Variants in ZNF516 observed in about 807,000 individuals in gnomAD.
ZNF516 encodes the protein zinc finger protein 516.
A neutral mutation model predicts 79.7 loss-of-function variants in ZNF516; 19 were observed. The ratio of observed to expected loss-of-function variants is 0.24; its 90% CI spans 0.17 to 0.35. The LOEUF is 0.35. ZNF516 is among the 10% of genes least tolerant of loss of function. ZNF516 has a pLI of 1.00. For missense variants in ZNF516, 1,678 were observed against 1,679.5 expected (o/e 1.00, Z 0.02); for synonymous variants, 877 against 739.5 (o/e 1.19, Z -3.02).
In ZNF516 at chr18:76,371,537, G is replaced by T; in HGVS notation, c.3294C>A (p.Phe1098Leu). 1.9e-6 allele frequency: 3 copies of T among 1,610,942 alleles called. No individual in the cohort carries two copies. The highest frequency in any genetic ancestry group is 2.5e-6 in the Non-Finnish European group (3 of 1,179,784). The stretch of plus-strand genomic sequence containing the variant: ...AGCTCTTTCCGCACTCGATGCAGAC[G>T]AACTCTCCTGGCCGGGCCTGCGTCC... ...TLRTQARPGEFVCIECGKSFH... is the reference protein window; with the variant it reads ...TLRTQARPGELVCIECGKSFH... The change falls in exon 5 of 7, where the codon TTC (phenylalanine) becomes TTA (leucine). Residue 1098 changes from phenylalanine to leucine, a missense_variant. Phe to Leu is a conservative substitution (Grantham distance 22). Around this residue, in one of 5 missense-constraint regions of ZNF516, gnomAD observed 1,294 missense variants for 1,248.3 expected, o/e 1.04. Transcript: ENST00000443185.
chr18:76,428,938 G>A (rs1599074005), intron 3 of ZNF516, among the ~76,000 whole-genome samples: 2 of 152,322 alleles, frequency 1.3e-5, no homozygotes, highest in African/African-American at 4.8e-5. Flanking sequence ...AGCTCCTCCT[G>A]CCATAGCTAG....
Position 76,442,646 on chromosome 18 carries a change from C to A in ZNF516, c.409G>T (p.Ala137Ser). 1 of 1,587,908 alleles carries A rather than the reference C, an allele frequency of 6.3e-7. No homozygotes were observed. Among genetic ancestry groups the A allele is most frequent in the South Asian group, 1.1e-5 (1 of 89,550 alleles). The change falls in exon 3 of 7, where the codon GCC becomes TCC. Residue 137 changes from alanine (A) to serine (S), a missense_variant. By Grantham distance (99) the Ala-to-Ser change is moderately conservative. This residue lies in a region of ZNF516 where 279 missense variants were observed against 254.1 expected (regional missense o/e 1.10). Transcript: ENST00000443185. The part of the protein sequence containing the change: ...LLNGASQADG[A>S]RVLNGASQAD... ...TGCGAGGCCCCGTTCAGGACCCTGGCGCCGTCGGCCTGCGAGGCCCCGTTC... is the reference window on the plus strand; with the variant it reads ...TGCGAGGCCCCGTTCAGGACCCTGGAGCCGTCGGCCTGCGAGGCCCCGTTC...
chr18:76,414,608 C>G (rs532483950), intron 3 of ZNF516, among the ~76,000 whole-genome samples: 1 of 152,238 alleles, frequency 6.6e-6, no homozygotes, highest in Non-Finnish European at 1.5e-5. Flanking sequence ...CTTTCTTCAC[C>G]CGAAGAAGGT....
At position 76,451,679 on chromosome 18, in the gene ZNF516, A is replaced by T. The variant is rs1190205423; in HGVS notation, c.-157-8468T>A. ...GGGTGCAAGGCCCAGTTGGTGTTTG[A>T]GTATACTGTGTGTGTTTGTTCTCCG... is the stretch of plus-strand genomic sequence containing the variant. On this transcript the variant is annotated intron_variant, in intron 2 of 6. Transcript: ENST00000443185. The surrounding 1 kb of genome is among the most constrained non-coding windows in gnomAD (Gnocchi z 6.0). 6.6e-6 allele frequency among the ~76,000 whole-genome samples: 1 copy of T among 152,178 alleles called. No homozygotes were observed. The highest frequency in any genetic ancestry group is 2.4e-5 in the African/African-American group (1 of 41,450).
At chr18:76,483,016 A>T (rs1227849246) in intron 1 of ZNF516, among the ~76,000 whole-genome samples, 1 of 152,326 alleles carries the variant, frequency 6.6e-6, no homozygotes, top group African/African-American at 2.4e-5. Context: ...AAAAGAAAAA[A>T]AATTCTGAAT....
Position 76,359,091 on chromosome 18 carries a change from G to C in ZNF516, c.*3407C>G, listed in dbSNP as rs2074495472. ...TCACACCCTCAGCGACCTGTGCACAGTGGCCGGATCAGGGGTGGGGGCCTG... is the reference window on the plus strand; with the variant it reads ...TCACACCCTCAGCGACCTGTGCACACTGGCCGGATCAGGGGTGGGGGCCTG... On this transcript the variant is annotated 3_prime_UTR_variant, in exon 7 of 7. Coordinates refer to ENST00000443185, the MANE Select transcript of ZNF516 (RefSeq NM_014643.4). 1 of 152,246 alleles carries C rather than the reference G, an allele frequency of 6.6e-6. No homozygotes were observed. The highest frequency in any genetic ancestry group is 6.5e-5 in the Admixed American group (1 of 15,286). 9.4% of individuals were successfully genotyped at this position (152,246 alleles called of 1,614,324 possible).
Position 76,480,524 on chromosome 18 carries a change from C to CATATATAT in ZNF516, c.-272+14619_-272+14620insATATATAT, listed in dbSNP as rs1555720224. 3.1e-3 allele frequency among the ~76,000 whole-genome samples: 359 copies of CATATATAT among 116,458 alleles called. 2 individuals carry two copies. Among genetic ancestry groups the CATATATAT allele is most frequent in the African/African-American group, 4.4e-3 (126 of 28,550 alleles). 76.4% of individuals were successfully genotyped at this position (116,458 alleles called of 152,430 possible). A position where few individuals can be genotyped will look rare whatever the true frequency, so the allele number is the denominator to read the frequency against. On this transcript the variant is annotated intron_variant, in intron 1 of 6. Transcript: ENST00000443185. The stretch of plus-strand genomic sequence containing the variant: ...ACACACACACACACACACACACACA[C>CATATATAT]ATATATTTTTTTTTTTGAGACGGAG...
Position 76,380,313 on chromosome 18 carries a change from G to A in ZNF516, c.1811-10C>T, listed in dbSNP as rs367720172. 2.5e-6 allele frequency: 4 copies of A among 1,608,498 alleles called. No homozygotes were observed. The highest frequency in any genetic ancestry group is 3.3e-5 in the Admixed American group (2 of 59,852). ...CGGCGCGGCTGTCCCCCTAGAGGAG[G>A]CAAAATATGAAACGGGAAGTTACCA... On this transcript the variant is annotated splice_polypyrimidine_tract_variant and intron_variant, in intron 3 of 6. Coordinates refer to ENST00000443185, the MANE Select transcript of ZNF516 (RefSeq NM_014643.4).
intron 3 of ZNF516, among the ~76,000 whole-genome samples, chr18:76,385,114 C>A (rs144720830): frequency 1.3e-5 from 2 of 152,254 alleles, no homozygotes; most frequent in African/African-American, 4.8e-5. Flanking sequence ...CCCAACCCCA[C>A]GAGTGTGCAC....
intron 3 of ZNF516, among the ~76,000 whole-genome samples, chr18:76,434,918 T>A (rs896641790): frequency 1.3e-5 from 2 of 152,238 alleles, no homozygotes; most frequent in African/African-American, 4.8e-5. Flanking sequence ...CACTGTGACT[T>A]GGTGACTAAA....
At chr18:76,384,264 C>A (rs1243560144) in intron 3 of ZNF516, among the ~76,000 whole-genome samples, 2 of 150,126 alleles carry the variant, frequency 1.3e-5, no homozygotes, top group African/African-American at 4.9e-5. Flanking sequence ...GCCCCCTCCA[C>A]GGCCCCCACG....
At chr18:76,466,130 G>A (rs1334358022) in intron 1 of ZNF516, among the ~76,000 whole-genome samples, 1 of 152,140 alleles carries the variant, frequency 6.6e-6, no homozygotes, top group Non-Finnish European at 1.5e-5. Flanking sequence ...AAGCCATACT[G>A]GAAACCATCA....
chr18:76,447,012 A>G (rs1912091700), intron 2 of ZNF516, among the ~76,000 whole-genome samples: 1 of 152,240 alleles, frequency 6.6e-6, no homozygotes, highest in African/African-American at 2.4e-5. Context: ...TGATGTCCAC[A>G]GTTGACTAGC....
chr18:76,398,608 GAAGGAATGGGGGCCTTTCT>G (rs571961629), intron 3 of ZNF516, among the ~76,000 whole-genome samples: 3,104 of 152,188 alleles, frequency 0.02, 46 homozygotes, highest in Middle Eastern at 0.044. Context: ...CACTAGTTAT[GAAGGAATGGGGGCCTTTCT>G]GAAGGAATGG....
At position 76,378,901 on chromosome 18, in the gene ZNF516, G is replaced by A; in HGVS notation, c.3213C>T (p.Thr1071=). The change falls in exon 4 of 7, where the codon ACC becomes ACT. Residue 1071 remains threonine (T), a synonymous_variant. Transcript: ENST00000443185. ...CGCTGACACCCCATCCCTGGTAGAGGGTCGCAAAGTCCTTTGGAATGTACG... is the reference window on the plus strand; with the variant it reads ...CGCTGACACCCCATCCCTGGTAGAGAGTCGCAAAGTCCTTTGGAATGTACG... The part of the protein sequence containing the change: ...FKTYIPKDFA[T]LYQGWGVSGP... 6.2e-7 allele frequency: 1 copy of A among 1,613,742 alleles called. No homozygotes were observed. Among genetic ancestry groups the A allele is most frequent in the Non-Finnish European group, 8.5e-7 (1 of 1,179,770 alleles).
In ZNF516 at chr18:76,357,796, CAAT is replaced by C. The variant is rs1344676870; in HGVS notation, c.*4699_*4701del. On this transcript the variant is annotated 3_prime_UTR_variant, in exon 7 of 7. Coordinates refer to ENST00000443185, the MANE Select transcript of ZNF516 (RefSeq NM_014643.4). ...CCCTTGTGTCCCCACATTTTTGACA[CAAT>C]AATTTCCTCCAGGTGTGGCTGAGTC... Among the ~76,000 whole-genome samples the C allele has an allele frequency of 8.5e-5, 13 of 152,294 alleles. No individual in the cohort carries two copies. Among genetic ancestry groups the C allele is most frequent in the African/African-American group, 3.1e-4 (13 of 41,562 alleles).
chr18:76,414,393 A>C (rs1229852222), intron 3 of ZNF516, among the ~76,000 whole-genome samples: 1 of 152,216 alleles, frequency 6.6e-6, no homozygotes, highest in Non-Finnish European at 1.5e-5. Context: ...CATCCCTAAA[A>C]TGTAATATAA....
rs1482387077 is a variant in ZNF516 at position 76,495,220 on chromosome 18, G to C, written c.-348C>G. On this transcript the variant is annotated 5_prime_UTR_variant, in exon 1 of 7. Coordinates refer to ENST00000443185, the MANE Select transcript of ZNF516 (RefSeq NM_014643.4). ...TCTGAAGGTGAAGCCGAGCGCCCGC[G>C]GCGCGGAGCCGAGCGCTGCACTAGA... 1 of 147,830 alleles carries C rather than the reference G, an allele frequency of 6.8e-6. No individual in the cohort carries two copies. Among genetic ancestry groups the C allele is most frequent in the African/African-American group, 2.4e-5 (1 of 40,824 alleles). The allele number at this position is 147,830 out of a possible 1,614,324, so 9.2% of individuals were successfully genotyped here.
At chr18:76,425,161 C>T (rs1273841226) in intron 3 of ZNF516, among the ~76,000 whole-genome samples, 2 of 151,974 alleles carry the variant, frequency 1.3e-5, no homozygotes. Context: ...ATCAATTATA[C>T]ACCCATCTCT....
Sources: allele counts gnomAD v4.1 joint callset (sites outside exome capture counted in the v4.1 genomes callset), GRCh38; gene constraint gnomAD v4.1.1; regional missense constraint gnomAD v4.1.1; non-coding constraint Gnocchi (gnomAD v3.1); transcripts MANE v1.5; gene names NCBI Gene and HGNC (gene_info 2026-07-23, HGNC 2026-07-21).